The following KCNT2 variants were observed in gnomAD, a reference collection of about 807,000 sequenced individuals.
KCNT2 encodes potassium channel subfamily T member 2.
Under a neutral mutation model 153.8 loss-of-function variants are expected in KCNT2, and 67 were observed. That is an observed-to-expected ratio of 0.44 (90% CI 0.36 to 0.53). KCNT2 has a LOEUF of 0.53. KCNT2 is among the 20% of genes least tolerant of loss of function. KCNT2 has a pLI of 0.00. For synonymous variants in KCNT2, 500 were observed against 458.8 expected (o/e 1.09, Z -1.15); for missense variants, 975 against 1,354.8 (o/e 0.72, Z 4.40).
At chr1:196,390,394 G>T (rs1018370578) in intron 13 of KCNT2, among the ~76,000 whole-genome samples, 1 of 151,490 alleles carries the variant, frequency 6.6e-6, no homozygotes, top group Non-Finnish European at 1.5e-5. Context: ...GAAAAAGTGA[G>T]AGTAGCAAAG....
intron 16 of KCNT2, among the ~76,000 whole-genome samples, chr1:196,339,971 T>C (rs1216578408): frequency 6.6e-6 from 1 of 152,058 alleles, no homozygotes; most frequent in African/African-American, 2.4e-5. Context: ...GCTTTATATA[T>C]AATGAGAAAT....
chr1:196,239,950 G>T (rs185029473), intron 26 of KCNT2, among the ~76,000 whole-genome samples: 119 of 152,174 alleles, frequency 7.8e-4, no homozygotes, highest in African/African-American at 2.8e-3. Context: ...GACACAGAAA[G>T]AAGGCAGCCA....
At chr1:196,279,130 G>C (rs1658852815) in intron 25 of KCNT2, among the ~76,000 whole-genome samples, 1 of 152,148 alleles carries the variant, frequency 6.6e-6, no homozygotes, top group African/African-American at 2.4e-5. Context: ...ATGGTATTTT[G>C]TTATAGCAGC....
intron 27 of KCNT2, among the ~76,000 whole-genome samples, chr1:196,234,092 G>A (rs1341298629): frequency 6.6e-6 from 1 of 151,254 alleles, no homozygotes; most frequent in Non-Finnish European, 1.5e-5. Flanking sequence ...ATAAATGTTT[G>A]GGGTAATGGC....
chr1:196,275,284 A>AT (rs948113210), intron 25 of KCNT2, among the ~76,000 whole-genome samples: 1 of 151,780 alleles, frequency 6.6e-6, no homozygotes, highest in Non-Finnish European at 1.5e-5. Context: ...AAACACATAG[A>AT]TAGTGGCAGA....
chr1:196,436,560 T>G (rs983494591), intron 8 of KCNT2, among the ~76,000 whole-genome samples: 1 of 151,456 alleles, frequency 6.6e-6, no homozygotes, highest in African/African-American at 2.4e-5. Context: ...CGTAAAGATT[T>G]GAAGCAATAC....
intron 25 of KCNT2, among the ~76,000 whole-genome samples, chr1:196,277,334 T>C (rs1295544537): frequency 9.2e-5 from 14 of 152,106 alleles, no homozygotes; most frequent in Non-Finnish European, 2.1e-4. Flanking sequence ...ACTTAAAGAA[T>C]CTCCCACATC....
At chr1:196,316,168 A>G (rs1662695911) in intron 20 of KCNT2, 142 bp from the exon 21 acceptor site, 2 of 477,094 alleles carry the variant, frequency 4.2e-6, no homozygotes, top group Admixed American at 4.2e-5. Context: ...GGTAGCTATT[A>G]AAGGGAATTA....
At chr1:196,407,134 A>G (rs907264446) in intron 12 of KCNT2, among the ~76,000 whole-genome samples, 3 of 151,444 alleles carry the variant, frequency 2.0e-5, no homozygotes, top group Admixed American at 1.3e-4. Context: ...CAGGTTTTGA[A>G]GGAAACTTCC....
intron 13 of KCNT2, among the ~76,000 whole-genome samples, chr1:196,396,737 G>A (rs1558239878): frequency 6.6e-6 from 1 of 151,504 alleles, no homozygotes; most frequent in Admixed American, 6.6e-5. Flanking sequence ...GAGATAAATG[G>A]TTGGGATAGA....
intron 14 of KCNT2, among the ~76,000 whole-genome samples, chr1:196,365,079 C>T (rs142534484): frequency 3.3e-5 from 5 of 151,998 alleles, no homozygotes; most frequent in African/African-American, 7.2e-5. Flanking sequence ...GTATTTGGAA[C>T]CTTCTCTTTC....
intron 14 of KCNT2, among the ~76,000 whole-genome samples, chr1:196,348,688 A>T (rs1444084294): frequency 6.6e-6 from 1 of 152,134 alleles, no homozygotes; most frequent in Non-Finnish European, 1.5e-5. Context: ...ATTATATTTT[A>T]AAAAACCAAA....
chr1:196,376,570 C>T (rs1173240854), intron 13 of KCNT2, among the ~76,000 whole-genome samples: 2 of 151,742 alleles, frequency 1.3e-5, no homozygotes, highest in South Asian at 2.1e-4. Flanking sequence ...GTTATTCAAA[C>T]TCTGATGTTC....
At chr1:196,253,201 T>C (rs904781159) in intron 26 of KCNT2, among the ~76,000 whole-genome samples, 1 of 151,460 alleles carries the variant, frequency 6.6e-6, no homozygotes, top group African/African-American at 2.4e-5. Flanking sequence ...TTAGTTGATA[T>C]TGTCCCACTG....
chr1:196,243,581 G>T (rs1291408695), intron 26 of KCNT2, among the ~76,000 whole-genome samples: 2 of 152,148 alleles, frequency 1.3e-5, no homozygotes, highest in South Asian at 2.1e-4. Context: ...ACTCAATGCT[G>T]CCCTGGAACA....
chr1:196,298,399 A>G (rs1380541633), intron 22 of KCNT2, among the ~76,000 whole-genome samples: 1 of 152,148 alleles, frequency 6.6e-6, no homozygotes, highest in Non-Finnish European at 1.5e-5. Flanking sequence ...AACTCACAGA[A>G]CAACAAAAGC....
At chr1:196,303,816 A>C (rs552763884) in intron 22 of KCNT2, among the ~76,000 whole-genome samples, 1 of 152,306 alleles carries the variant, frequency 6.6e-6, no homozygotes, top group Admixed American at 6.5e-5. Context: ...CTTCATCACA[A>C]GTGATTCTAC....
chr1:196,361,977 C>A (rs548431864), intron 14 of KCNT2, among the ~76,000 whole-genome samples: 87 of 151,908 alleles, frequency 5.7e-4, no homozygotes, highest in Admixed American at 4.1e-3. Flanking sequence ...CTCACTGGTA[C>A]TCTATTTTAT....
intron 1 of KCNT2, among the ~76,000 whole-genome samples, chr1:196,593,341 C>T (rs1186066487): frequency 1.8e-4 from 26 of 142,552 alleles, no homozygotes; most frequent in South Asian, 4.4e-4. Context: ...CACACACACA[C>T]ATATATATGT....
Sources: allele counts gnomAD v4.1 joint callset (sites outside exome capture counted in the v4.1 genomes callset), GRCh38; gene constraint gnomAD v4.1.1; transcripts MANE v1.5; gene names NCBI Gene and HGNC (gene_info 2026-07-23, HGNC 2026-07-21).